Variants in PYROXD1 observed in about 807,000 individuals in gnomAD.
PYROXD1 encodes the protein tRNA ligase complex-associated NAD(P)H dehydrogenase PYROXD1.
Under a neutral mutation model 62.0 loss-of-function variants are expected in PYROXD1, and 42 were observed. The observed-to-expected ratio is 0.68, with a 90% CI of 0.53 to 0.88. The LOEUF is 0.88. PYROXD1 is among the 40% of genes least tolerant of loss of function. The probability of loss-of-function intolerance (pLI) is 0.00; values close to 1 mark genes in which losing one functional copy is unlikely to be tolerated. For synonymous variants in PYROXD1, 170 were observed against 206.4 expected, an observed-to-expected ratio of 0.82 and a Z score of 1.51; for missense variants, 493 against 604.8, an observed-to-expected ratio of 0.82 and a Z score of 1.94.
intron 10 of PYROXD1, 132 bp from the exon 11 acceptor site, chr12:21,467,349 G>A (rs1020458899): frequency 1.3e-6 from 1 of 755,890 alleles, no homozygotes; most frequent in African/African-American, 1.8e-5. Flanking sequence ...ATCCATTGGT[G>A]ACTGCTTCTG....
Position 21,444,141 on chromosome 12 carries a change from G to C in PYROXD1, c.166-1206G>C, listed in dbSNP as rs182008496. Among the ~76,000 whole-genome samples, 400 of 152,190 alleles carry C rather than the reference G, an allele frequency of 2.6e-3. 3 individuals are homozygous for C. The highest frequency in any genetic ancestry group is 9.1e-3 in the African/African-American group (379 of 41,536). ...TTTCTAGGCCTCTTATTTACTGGTC[G>C]GGTAGCCTTGGAAGATCTCTGTAAG... On this transcript the variant is annotated intron_variant, in intron 2 of 11. Transcript: ENST00000240651.
intron 10 of PYROXD1, 186 bp from the exon 11 acceptor site, chr12:21,467,295 A>G (rs1942814811): frequency 2.1e-6 from 1 of 478,144 alleles, no homozygotes; most frequent in Non-Finnish European, 3.7e-6. Context: ...AGAGGCAGTA[A>G]TTTAGATAGA....
intron 1 of PYROXD1, among the ~76,000 whole-genome samples, chr12:21,440,097 A>G (rs1019771924): frequency 6.6e-5 from 10 of 152,210 alleles, no homozygotes; most frequent in Admixed American, 5.9e-4. Flanking sequence ...TGAAGTAAAT[A>G]AAGGATATTT....
chr12:21,442,630 A>G (rs912334911), intron 2 of PYROXD1, among the ~76,000 whole-genome samples: 1 of 152,242 alleles, frequency 6.6e-6, no homozygotes, highest in Non-Finnish European at 1.5e-5. Flanking sequence ...GAACACTCAC[A>G]GGGTTGAGGA....
rs1942951307 is a variant in PYROXD1 at position 21,471,212 on chromosome 12, T to C, written c.*2458T>C. 2 of 1,159,346 alleles carry C rather than the reference T, an allele frequency of 1.7e-6. No individual in the cohort carries two copies. The highest frequency in any genetic ancestry group is 3.2e-5 in the African/African-American group (2 of 62,668). 71.8% of individuals were successfully genotyped at this position (1,159,346 alleles called of 1,614,324 possible). A position where few individuals can be genotyped will look rare whatever the true frequency, so the allele number is the denominator to read the frequency against. On this transcript the variant is annotated 3_prime_UTR_variant, in exon 12 of 12. Transcript: ENST00000240651. The stretch of plus-strand genomic sequence containing the variant: ...TTCTTAACACATTGACTTGAAATAA[T>C]AAAATTTACAAGAATGCAAATAAAG...
rs190624083 is a variant in PYROXD1, at chr12:21,453,996, A to G, written c.489-1136A>G. On this transcript the variant is annotated intron_variant, in intron 5 of 11. Coordinates refer to ENST00000240651, the MANE Select transcript of PYROXD1 (RefSeq NM_024854.5). ...CTATATGACCAGAGTAACATAAAAT[A>G]GAATGTTCACCCAATAATCTTCTAT... 3.1e-3 allele frequency among the ~76,000 whole-genome samples: 470 copies of G among 151,148 alleles called. 1 individual carries two copies. The highest frequency in any genetic ancestry group is 5.4e-3 in the Non-Finnish European group (365 of 67,672).
At chr12:21,451,590 A>C (rs1341171412) in intron 4 of PYROXD1, among the ~76,000 whole-genome samples, 1 of 152,124 alleles carries the variant, frequency 6.6e-6, no homozygotes, top group Non-Finnish European at 1.5e-5. Context: ...TGAGATGCAG[A>C]TAGGGTAAGC....
chr12:21,442,706 C>T (rs747591266), intron 2 of PYROXD1, among the ~76,000 whole-genome samples: 2 of 152,210 alleles, frequency 1.3e-5, no homozygotes, highest in Non-Finnish European at 2.9e-5. Context: ...AGATATGCCG[C>T]CATGTCTCCC....
At chr12:21,440,693 CT>C (rs1236956344) in intron 2 of PYROXD1, among the ~76,000 whole-genome samples, 1 of 152,050 alleles carries the variant, frequency 6.6e-6, no homozygotes, top group African/African-American at 2.4e-5. Flanking sequence ...CTAGCTAGGA[CT>C]TTAGTACTGT....
chr12:21,449,018 G>A (rs929908913), intron 3 of PYROXD1, among the ~76,000 whole-genome samples: 2 of 151,694 alleles, frequency 1.3e-5, no homozygotes, highest in Non-Finnish European at 2.9e-5. Context: ...AGCACTTCTA[G>A]TCTTTTTAGA....
At chr12:21,443,906 A>C (rs1341612581) in intron 2 of PYROXD1, among the ~76,000 whole-genome samples, 1 of 152,226 alleles carries the variant, frequency 6.6e-6, no homozygotes, top group Admixed American at 6.5e-5. Context: ...GGAGAAATAG[A>C]GGAAAAATTA....
rs1942894065 is a variant in PYROXD1 at position 21,469,992 on chromosome 12, A to G, written c.*1238A>G. 1 of 656,162 alleles carries G rather than the reference A, an allele frequency of 1.5e-6. No individual in the cohort carries two copies. The highest frequency in any genetic ancestry group is 3.9e-5 in the Admixed American group (1 of 25,574). 40.6% of individuals were successfully genotyped at this position (656,162 alleles called of 1,614,324 possible). A position where few individuals can be genotyped will look rare whatever the true frequency, so the allele number is the denominator to read the frequency against. On this transcript the variant is annotated 3_prime_UTR_variant, in exon 12 of 12. Transcript: ENST00000240651. ...TACATAAAAATTTTTCCCTTGTTTT[A>G]TACTGGAAAATTATATAATTCATGA...
In PYROXD1 at chr12:21,455,885, G is replaced by C. The variant is rs1475317777; in HGVS notation, c.650-110G>C. ...ATAGATAACATAGGTTAGTCATGCT[G>C]TAATGTATGTATATATATGAATCAT... On this transcript the variant is annotated intron_variant, in intron 6 of 11. Coordinates refer to ENST00000240651, the MANE Select transcript of PYROXD1 (RefSeq NM_024854.5). 4.5e-6 allele frequency: 3 copies of C among 664,052 alleles called. 1 individual carries two copies. The highest frequency in any genetic ancestry group is 3.6e-5 in the South Asian group (2 of 56,050). The allele number at this position is 664,052 out of a possible 1,614,324, so 41.1% of individuals were successfully genotyped here.
chr12:21,454,116 G>A (rs1157243421), intron 5 of PYROXD1, among the ~76,000 whole-genome samples: 1 of 151,946 alleles, frequency 6.6e-6, no homozygotes, highest in African/African-American at 2.4e-5. Context: ...AATATCAAGT[G>A]ACCTGGATTC....
At position 21,438,109 on chromosome 12, in the gene PYROXD1, T is replaced by C. The variant is rs1200966914; in HGVS notation, c.84+295T>C. 3 of 374,026 alleles carry C rather than the reference T, an allele frequency of 8.0e-6. No homozygotes were observed. The Admixed American group carries it at 1.3e-4, about 16-fold the overall frequency. 23.2% of individuals were successfully genotyped at this position (374,026 alleles called of 1,614,324 possible). A position where few individuals can be genotyped will look rare whatever the true frequency, so the allele number is the denominator to read the frequency against. Reference sequence around the variant, plus strand: ...AGAGCAGACATGAGGACTTTGTATTTAGACAAAAAATTCAGCCCCCTTTCT... The same window carrying C: ...AGAGCAGACATGAGGACTTTGTATTCAGACAAAAAATTCAGCCCCCTTTCT... On this transcript the variant is annotated intron_variant, in intron 1 of 11. Transcript: ENST00000240651.
rs781269434 is a variant in PYROXD1, at chr12:21,471,130, CT to C, written c.*2380del. On this transcript the variant is annotated 3_prime_UTR_variant, in exon 12 of 12. Coordinates refer to ENST00000240651, the MANE Select transcript of PYROXD1 (RefSeq NM_024854.5). ...AAAATAAAGGCCAACAATAAGAAAG[CT>C]TTTGAAGGAATCACGGAAAACAAAT... The C allele has an allele frequency of 1.3e-6, 2 of 1,536,076 alleles. No individual in the cohort carries two copies. The highest frequency in any genetic ancestry group is 2.4e-5 in the Admixed American group (1 of 41,734).
At chr12:21,438,992 G>A (rs1237942959) in intron 1 of PYROXD1, among the ~76,000 whole-genome samples, 1 of 152,120 alleles carries the variant, frequency 6.6e-6, no homozygotes, top group Non-Finnish European at 1.5e-5. Context: ...GAGTATGTAG[G>A]GAGTGAATTA....
chr12:21,462,930 AACAAAT>A, intron 10 of PYROXD1, 68 bp downstream of exon 10: 1 of 1,489,428 alleles, frequency 6.7e-7, no homozygotes. Flanking sequence ...GGTTGTTACC[AACAAAT>A]CCAACTTCTG....
chr12:21,459,791 T>C (rs1201151530), intron 7 of PYROXD1, among the ~76,000 whole-genome samples: 1 of 152,228 alleles, frequency 6.6e-6, no homozygotes, highest in Non-Finnish European at 1.5e-5. Flanking sequence ...TTCTGTGTTG[T>C]GAGACTATAG....
Sources: gnomAD v4.1 joint callset for allele counts (sites outside exome capture counted in the v4.1 genomes callset) on GRCh38, gnomAD v4.1.1 for gene constraint, MANE v1.5 for transcripts, NCBI Gene and HGNC (gene_info 2026-07-23, HGNC 2026-07-21) for gene names.